The following UBE2V2 variants were observed in gnomAD, a reference collection of about 807,000 sequenced individuals.
UBE2V2 encodes the protein ubiquitin-conjugating enzyme E2 variant 2.
Under a neutral mutation model 17.2 loss-of-function variants are expected in UBE2V2, and 9 were observed. The ratio of observed to expected loss-of-function variants is 0.52; its 90% CI spans 0.32 to 0.91. UBE2V2 has a LOEUF of 0.91. Among genes scored for constraint, UBE2V2 ranks in the 40% least tolerant of loss-of-function variants. The pLI is 0.04. For missense variants in UBE2V2, 133 were observed against 182.6 expected (o/e 0.73, Z 1.56); for synonymous variants, 61 against 57.5 (o/e 1.06, Z -0.28).
chr8:48,039,927 G>A (rs1239480350), intron 1 of UBE2V2, among the ~76,000 whole-genome samples: 1 of 151,766 alleles, frequency 6.6e-6, no homozygotes, highest in African/African-American at 2.4e-5. Flanking sequence ...ATGGGGTCTT[G>A]CCATGTTGCC....
At chr8:48,046,496 G>A (rs1321416078) in intron 2 of UBE2V2, among the ~76,000 whole-genome samples, 6 of 152,120 alleles carry the variant, frequency 3.9e-5, no homozygotes, top group South Asian at 2.1e-4. Flanking sequence ...CAGATGATCC[G>A]CCCACCTCGG....
intron 2 of UBE2V2, among the ~76,000 whole-genome samples, chr8:48,049,080 A>C (rs1295765135): frequency 6.6e-6 from 1 of 152,180 alleles, no homozygotes; most frequent in African/African-American, 2.4e-5. Flanking sequence ...AGGCATGAAA[A>C]TAAGCCCTGG....
intron 1 of UBE2V2, among the ~76,000 whole-genome samples, chr8:48,030,548 C>T (rs896451328): frequency 1.3e-5 from 2 of 152,174 alleles, no homozygotes; most frequent in Non-Finnish European, 2.9e-5. Flanking sequence ...TGGCGAAACC[C>T]TGTCTCTACT....
chr8:48,024,549 C>T (rs899220372), intron 1 of UBE2V2, among the ~76,000 whole-genome samples: 26 of 151,570 alleles, frequency 1.7e-4, no homozygotes, highest in Admixed American at 1.5e-3. Flanking sequence ...GAGCCGAGAT[C>T]GCGCCATTGC....
chr8:47,999,432 C>T, the UBE2V2 span, among the ~76,000 whole-genome samples: 35 of 151,920 alleles, frequency 2.3e-4, no homozygotes, highest in African/African-American at 8.0e-4. Flanking sequence ...TATTGGCTCA[C>T]TGCAACCTCT....
chr8:48,004,268 C>A (rs1589844576), upstream of UBE2V2, among the ~76,000 whole-genome samples: 1 of 152,226 alleles, frequency 6.6e-6, no homozygotes, highest in Middle Eastern at 3.4e-3. Flanking sequence ...TAGGATAGGT[C>A]AGCTAGAGGC....
upstream of UBE2V2, among the ~76,000 whole-genome samples, chr8:48,006,730 A>T (rs566597874): frequency 6.6e-6 from 1 of 152,308 alleles, no homozygotes; most frequent in Non-Finnish European, 1.5e-5. Flanking sequence ...GCTTCGACAA[A>T]ATTCAACAGC....
At position 48,047,650 on chromosome 8, in the gene UBE2V2, C is replaced by T. The variant is rs377426967; in HGVS notation, c.166-2203C>T. On this transcript the variant is annotated intron_variant, in intron 2 of 3. Coordinates refer to ENST00000523111, the MANE Select transcript of UBE2V2 (RefSeq NM_003350.3). ...TCAGCTCACTGCAGTTGCCACCTCC[C>T]GAGTTCAGGTGATTCTCCTGCCTCA... is the stretch of plus-strand genomic sequence containing the variant. 3.8e-3 allele frequency among the ~76,000 whole-genome samples: 579 copies of T among 152,078 alleles called. 4 individuals carry two copies. Among genetic ancestry groups the T allele is most frequent in the South Asian group, 0.025 (119 of 4,798 alleles).
chr8:48,026,056 C>T (rs998792546), intron 1 of UBE2V2, among the ~76,000 whole-genome samples: 1 of 151,912 alleles, frequency 6.6e-6, no homozygotes, highest in Non-Finnish European at 1.5e-5. Flanking sequence ...GCTGTTATTC[C>T]TAAAGTGACC....
intron 1 of UBE2V2, among the ~76,000 whole-genome samples, chr8:48,026,628 T>G (rs1409565284): frequency 6.6e-6 from 1 of 152,206 alleles, no homozygotes; most frequent in African/African-American, 2.4e-5. Context: ...TCTCAATAGA[T>G]TTACCCATTC....
chr8:48,039,209 A>AT (rs746378103), intron 1 of UBE2V2, among the ~76,000 whole-genome samples: 4 of 152,088 alleles, frequency 2.6e-5, no homozygotes, highest in Non-Finnish European at 4.4e-5. Context: ...CCGACCCCTG[A>AT]TTTTTAAATA....
At chr8:48,013,838 G>A (rs1342643636) in intron 1 of UBE2V2, among the ~76,000 whole-genome samples, 1 of 152,170 alleles carries the variant, frequency 6.6e-6, no homozygotes, top group Non-Finnish European at 1.5e-5. Context: ...AACTAGTTTA[G>A]CAGTGTTCTG....
chr8:48,058,578 A>C (rs2091588401), intron 3 of UBE2V2, among the ~76,000 whole-genome samples: 1 of 149,526 alleles, frequency 6.7e-6, no homozygotes, highest in Admixed American at 6.7e-5. Flanking sequence ...CCTGTCTCAA[A>C]AAAAAAAAAA....
upstream of UBE2V2, among the ~76,000 whole-genome samples, chr8:48,003,675 G>A (rs1052039319): frequency 2.0e-5 from 3 of 152,146 alleles, no homozygotes; most frequent in Non-Finnish European, 2.9e-5. Flanking sequence ...GTTACAGAGA[G>A]AACATATTAG....
intron 1 of UBE2V2, among the ~76,000 whole-genome samples, chr8:48,018,080 A>G (rs952807267): frequency 6.6e-6 from 1 of 151,844 alleles, no homozygotes; most frequent in South Asian, 2.1e-4. Flanking sequence ...CAGGTGATCC[A>G]CACGCCTCGG....
chr8:48,036,404 T>C (rs551012071), intron 1 of UBE2V2, among the ~76,000 whole-genome samples: 1 of 151,528 alleles, frequency 6.6e-6, no homozygotes, highest in African/African-American at 2.4e-5. Flanking sequence ...CATCTTTAAT[T>C]TGGTATAGAG....
chr8:48,012,750 G>A (rs563201870), intron 1 of UBE2V2, among the ~76,000 whole-genome samples: 25 of 152,114 alleles, frequency 1.6e-4, no homozygotes, highest in Admixed American at 1.4e-3. Context: ...GTGTGCAATA[G>A]TTTTAAAAAA....
chr8:48,035,091 T>C (rs1044453201), intron 1 of UBE2V2: 18 of 982,836 alleles, frequency 1.8e-5, no homozygotes, highest in Non-Finnish European at 2.2e-5. Context: ...TTAGCATTGC[T>C]GCTTCCCTAT....
intron 1 of UBE2V2, among the ~76,000 whole-genome samples, chr8:48,012,505 G>C (rs2091239496): frequency 6.6e-6 from 1 of 152,084 alleles, no homozygotes; most frequent in Non-Finnish European, 1.5e-5. Flanking sequence ...GATTACCTGA[G>C]GTCGGGAGGT....
Sources: allele counts gnomAD v4.1 joint callset (sites outside exome capture counted in the v4.1 genomes callset), GRCh38; gene constraint gnomAD v4.1.1; transcripts MANE v1.5; gene names NCBI Gene and HGNC (gene_info 2026-07-23, HGNC 2026-07-21).